The following NHSL1 variants were observed in gnomAD, a reference collection of about 807,000 sequenced individuals.
The protein encoded by NHSL1 is NHS like 1, also known as NHS-like protein 1.
Under a neutral mutation model 95.0 loss-of-function variants are expected in NHSL1, and 48 were observed. That is an observed-to-expected ratio of 0.51 (90% CI 0.40 to 0.64). The LOEUF is 0.64. Among genes scored for constraint, NHSL1 ranks in the 30% least tolerant of loss-of-function variants. The probability of loss-of-function intolerance (pLI) is 0.00; values close to 1 mark genes in which losing one functional copy is unlikely to be tolerated. For missense variants in NHSL1, 1,971 were observed against 2,077.7 expected (o/e 0.95, Z 1.00); for synonymous variants, 783 against 833.9 (o/e 0.94, Z 1.05).
chr6:138,568,088 C>T (rs904239273), intron 1 of NHSL1, among the ~76,000 whole-genome samples: 22 of 152,186 alleles, frequency 1.4e-4, no homozygotes, highest in African/African-American at 5.1e-4. Flanking sequence ...CAAGGACCTT[C>T]CACAGTGCTG....
At chr6:138,514,856 G>A (rs543967781) in intron 1 of NHSL1, among the ~76,000 whole-genome samples, 49 of 152,134 alleles carry the variant, frequency 3.2e-4, no homozygotes, top group Non-Finnish European at 6.9e-4. Flanking sequence ...CCAGAAGTTC[G>A]AGGCTGCAGT....
At chr6:138,666,062 G>A (rs1562406969) in intron 1 of NHSL1, among the ~76,000 whole-genome samples, 1 of 152,240 alleles carries the variant, frequency 6.6e-6, no homozygotes, top group Non-Finnish European at 1.5e-5. Context: ...CCAGCACTTT[G>A]GGAGGCCAAG....
intron 1 of NHSL1, among the ~76,000 whole-genome samples, chr6:138,624,825 T>C (rs1165496937): frequency 2.0e-5 from 3 of 152,194 alleles, no homozygotes; most frequent in African/African-American, 4.8e-5. Context: ...GGTAGACCCT[T>C]GGAAGGATTC....
At chr6:138,656,528 G>A (rs925724239) in intron 1 of NHSL1, among the ~76,000 whole-genome samples, 2 of 152,158 alleles carry the variant, frequency 1.3e-5, no homozygotes, top group African/African-American at 2.4e-5. Context: ...GAGCTGAAAT[G>A]TGCATGTGTA....
chr6:138,687,261 C>T (rs910648857), intron 1 of NHSL1, among the ~76,000 whole-genome samples: 5 of 150,448 alleles, frequency 3.3e-5, no homozygotes, highest in African/African-American at 9.8e-5. Context: ...CGTATGGAAA[C>T]CTCATCTCTT....
intron 1 of NHSL1, among the ~76,000 whole-genome samples, chr6:138,514,685 A>G (rs1781387110): frequency 6.6e-6 from 1 of 152,162 alleles, no homozygotes; most frequent in South Asian, 2.1e-4. Flanking sequence ...TAGGAGGCCG[A>G]GGCAGGTGGA....
intron 1 of NHSL1, among the ~76,000 whole-genome samples, chr6:138,566,170 G>A (rs1356460985): frequency 2.6e-5 from 4 of 152,104 alleles, no homozygotes; most frequent in Non-Finnish European, 5.9e-5. Context: ...GGCTGAGGTG[G>A]GCGGATCACC....
upstream of NHSL1, chr6:138,545,804 G>A: frequency 2.5e-6 from 3 of 1,183,312 alleles, no homozygotes; most frequent in Non-Finnish European, 3.2e-6. Context: ...CCAGCCTGCT[G>A]GGCTGTGCTG....
At chr6:138,614,861 G>A (rs973927020) in intron 1 of NHSL1, among the ~76,000 whole-genome samples, 1 of 152,164 alleles carries the variant, frequency 6.6e-6, no homozygotes, top group Admixed American at 6.5e-5. Context: ...TGCTTCTTAT[G>A]AGAATCTAAT....
intron 3 of NHSL1, among the ~76,000 whole-genome samples, chr6:138,465,719 C>T (rs960087947): frequency 1.1e-4 from 15 of 140,422 alleles, no homozygotes; most frequent in Middle Eastern, 3.8e-3. Flanking sequence ...ACTTTTTTTT[C>T]TTTTCTTTTT....
At chr6:138,655,826 T>C (rs74444856) in intron 1 of NHSL1, among the ~76,000 whole-genome samples, 27,436 of 152,112 alleles carry the variant, frequency 0.18, 2,577 homozygotes, top group South Asian at 0.25. Flanking sequence ...CCAGTACCCA[T>C]TGCCCTCTCT....
chr6:138,458,486 G>A (rs1777770058), intron 3 of NHSL1, among the ~76,000 whole-genome samples: 1 of 151,872 alleles, frequency 6.6e-6, no homozygotes, highest in South Asian at 2.1e-4. Flanking sequence ...GAGGTCCGGG[G>A]GTTCGAGACC....
intron 3 of NHSL1, among the ~76,000 whole-genome samples, chr6:138,452,059 T>C (rs1380316457): frequency 6.6e-6 from 1 of 152,324 alleles, no homozygotes; most frequent in East Asian, 1.9e-4. Context: ...AGTTTAAAAT[T>C]GCCTTGCTCT....
rs975046859 is a variant in NHSL1 at position 138,660,393 on chromosome 6, T to A, written c.96+32083A>T. On this transcript the variant is annotated intron_variant, in intron 1 of 3. Coordinates refer to the NHSL1 transcript ENST00000491526. ...CTCAGACCTGATTACATAGAACCAT[T>A]TATATAATAAAAGTACTCCACCCTT... 2.0e-5 allele frequency among the ~76,000 whole-genome samples: 3 copies of A among 152,018 alleles called. No homozygotes were observed. In the East Asian group the frequency reaches 5.8e-4, roughly 29 times the overall value.
In NHSL1 at chr6:138,616,908, A is replaced by G. The variant is rs144013042; in HGVS notation, c.96+75568T>C. 1.4e-4 allele frequency among the ~76,000 whole-genome samples: 21 copies of G among 152,362 alleles called. No individual in the cohort carries two copies. In the East Asian group the frequency reaches 3.7e-3, roughly 27 times the overall value. On this transcript the variant is annotated intron_variant, in intron 1 of 3. Coordinates refer to the NHSL1 transcript ENST00000491526. ...AGGTTACTCTGTCAACCACCCATTA[A>G]GACACTAGCTTAAAGGAAGTGCTCC... is the stretch of plus-strand genomic sequence containing the variant.
At chr6:138,673,036 TAGATA>T (rs1384495151) in intron 1 of NHSL1, among the ~76,000 whole-genome samples, 3 of 3,530 alleles carry the variant, frequency 8.5e-4, no homozygotes, top group Non-Finnish European at 2.6e-3. Flanking sequence ...GATAGGTAGA[TAGATA>T]GATAGATAGA....
chr6:138,667,186 C>T (rs1381133413), intron 1 of NHSL1, among the ~76,000 whole-genome samples: 1 of 152,160 alleles, frequency 6.6e-6, no homozygotes, highest in Non-Finnish European at 1.5e-5. Context: ...ATGGCAATTC[C>T]TCAGCAAAGG....
intron 1 of NHSL1, among the ~76,000 whole-genome samples, chr6:138,580,852 T>C (rs556920741): frequency 2.0e-4 from 31 of 152,264 alleles, no homozygotes; most frequent in Non-Finnish European, 3.7e-4. Context: ...AGATGTAGAC[T>C]ATGGTGGATT....
chr6:138,464,730 T>TTTTTTTTTTTAAA, intron 3 of NHSL1, among the ~76,000 whole-genome samples: 1 of 148,860 alleles, frequency 6.7e-6, no homozygotes, highest in Admixed American at 6.7e-5. Context: ...TTTTTTTTTT[T>TTTTTTTTTTTAAA]GAGACAGAGT....
Sources: gnomAD v4.1 joint callset for allele counts (sites outside exome capture counted in the v4.1 genomes callset) on GRCh38, gnomAD v4.1.1 for gene constraint, MANE v1.5 for transcripts, NCBI Gene and HGNC (gene_info 2026-07-23, HGNC 2026-07-21) for gene names.